Variants in SGCE observed in about 807,000 individuals in gnomAD.
SGCE encodes the protein epsilon-sarcoglycan.
Under a neutral mutation model 57.8 loss-of-function variants are expected in SGCE, and 26 were observed. The observed-to-expected ratio is 0.45, with a 90% CI of 0.33 to 0.62. The LOEUF is 0.62. Among genes scored for constraint, SGCE ranks in the 20% least tolerant of loss-of-function variants. The pLI is 0.02. For missense variants in SGCE, 468 were observed against 548.6 expected (o/e 0.85, Z 1.47); for synonymous variants, 183 against 189.5 (o/e 0.97, Z 0.28).
In SGCE at chr7:94,600,737, C is replaced by A; in HGVS notation, c.946G>T (p.Asp316Tyr). 6.2e-7 allele frequency: 1 copy of A among 1,613,824 alleles called. No individual in the cohort carries two copies. The highest frequency in any genetic ancestry group is 2.2e-5 in the East Asian group (1 of 44,852). The change falls in exon 7 of 11, where the codon GAT (aspartate) becomes TAT (tyrosine). Residue 316 changes from aspartate (D) to tyrosine (Y), a missense_variant. Asp to Tyr is a radical substitution (Grantham distance 160). Coordinates refer to ENST00000648936, the MANE Select transcript of SGCE (RefSeq NM_003919.3). ...DSLKSRDYYT[D>Y]FLITLAVPSA... is the part of the protein sequence containing the mutation. Reference sequence around the variant, plus strand: ...GGCACAGCCAGTGTAATTAGGAAATCCGTGTAATAGTCTCTGCTTTTCAAA... The same window carrying A: ...GGCACAGCCAGTGTAATTAGGAAATACGTGTAATAGTCTCTGCTTTTCAAA...
rs951428613 is a variant in SGCE at position 94,599,681 on chromosome 7, G to T, written c.1064+16C>A. On this transcript the variant is annotated intron_variant, in intron 8 of 10. Coordinates refer to ENST00000648936, the MANE Select transcript of SGCE (RefSeq NM_003919.3). ...GAAAAAATGATGAAGAAAATAACAGGAAAGAAGACACTTACTCTGGTGTTT... is the reference window on the plus strand; with the variant it reads ...GAAAAAATGATGAAGAAAATAACAGTAAAGAAGACACTTACTCTGGTGTTT... 2.5e-6 allele frequency: 4 copies of T among 1,608,264 alleles called. No individual in the cohort carries two copies. The highest frequency in any genetic ancestry group is 3.4e-6 in the Non-Finnish European group (4 of 1,175,062).
rs146040161 is a variant in SGCE at position 94,639,565 on chromosome 7, T to A, written c.110-9724A>T. 61 of 637,978 alleles carry A rather than the reference T, an allele frequency of 9.6e-5. No homozygotes were observed. The African/African-American group carries it at 1.0e-3, about 10-fold the overall frequency. The allele number at this position is 637,978 out of a possible 1,614,324, so 39.5% of individuals were successfully genotyped here. ...TCAGATTCCTTCCAGCCCAGCTAACTGTTTAATTCTAGTCAGCAAATATTT... is the reference window on the plus strand; with the variant it reads ...TCAGATTCCTTCCAGCCCAGCTAACAGTTTAATTCTAGTCAGCAAATATTT... On this transcript the variant is annotated intron_variant, in intron 1 of 10. Transcript: ENST00000648936.
chr7:94,639,420 T>A lies in SGCE; in HGVS notation c.110-9579A>T, dbSNP rs1373581290. 5.2e-6 allele frequency: 8 copies of A among 1,534,692 alleles called. No homozygotes were observed. The East Asian group carries it at 1.7e-4, about 33-fold the overall frequency. ...TGGTCTTCCAGTTAACTGTTCCATTTATGCCATCAGCACAGCTTAATAAAA... is the reference window on the plus strand; with the variant it reads ...TGGTCTTCCAGTTAACTGTTCCATTAATGCCATCAGCACAGCTTAATAAAA... On this transcript the variant is annotated intron_variant, in intron 1 of 10. Coordinates refer to ENST00000648936, the MANE Select transcript of SGCE (RefSeq NM_003919.3).
At chr7:94,635,349 G>A (rs1805454032) in intron 1 of SGCE, among the ~76,000 whole-genome samples, 2 of 152,200 alleles carry the variant, frequency 1.3e-5, no homozygotes, top group South Asian at 2.1e-4. Context: ...TTTAAGGTAT[G>A]TTGAGGATAC....
At chr7:94,588,411 C>T (rs1253602045) in intron 10 of SGCE, 23 of 1,225,314 alleles carry the variant, frequency 1.9e-5, no homozygotes, top group Non-Finnish European at 2.4e-5. Flanking sequence ...TAGGGAACTT[C>T]ACTGAAGGAA....
rs1383124871 is a variant in SGCE at position 94,599,672 on chromosome 7, AAAT to A, written c.1064+22_1064+24del. 2.5e-6 allele frequency: 4 copies of A among 1,605,988 alleles called. No individual in the cohort carries two copies. The East Asian group carries it at 8.9e-5, about 36-fold the overall frequency. On this transcript the variant is annotated intron_variant, in intron 8 of 10. Transcript: ENST00000648936. ...GAGAGGTGGGAAAAAATGATGAAGA[AAAT>A]AACAGGAAAGAAGACACTTACTCTG...
chr7:94,655,247 A>C (rs1260286873), intron 1 of SGCE, among the ~76,000 whole-genome samples: 1 of 152,200 alleles, frequency 6.6e-6, no homozygotes, highest in Non-Finnish European at 1.5e-5. Context: ...GAGCCTTCAA[A>C]GCCCGCCAAA....
intron 9 of SGCE, among the ~76,000 whole-genome samples, chr7:94,591,956 A>G (rs567759677): frequency 9.8e-5 from 15 of 152,340 alleles, no homozygotes; most frequent in Admixed American, 9.2e-4. Context: ...CACTCCTTGC[A>G]GTTTCAAAGG....
chr7:94,618,937 T>C lies in SGCE; in HGVS notation c.483A>G (p.Gln161=). The change falls in exon 5 of 11, where the codon CAA becomes CAG. Residue 161 remains glutamine, a synonymous_variant. Transcript: ENST00000648936. ...TCATATTCTTAATGAAGAATTCTGC[T>C]TGATATGGCAACGGGAAGTCTAATT... ...MSAEDFPLPY[Q]AEFFIKNMNV... 1 of 1,613,618 alleles carries C rather than the reference T, an allele frequency of 6.2e-7. No individual in the cohort carries two copies. The highest frequency in any genetic ancestry group is 8.5e-7 in the Non-Finnish European group (1 of 1,179,576).
At chr7:94,594,126 A>T (rs1014940080) in intron 9 of SGCE, among the ~76,000 whole-genome samples, 4 of 152,056 alleles carry the variant, frequency 2.6e-5, no homozygotes, top group African/African-American at 9.7e-5. Flanking sequence ...CATTTAAATA[A>T]TTAGAAAGGG....
intron 5 of SGCE, among the ~76,000 whole-genome samples, chr7:94,611,492 G>A (rs1801030194): frequency 6.6e-6 from 1 of 151,834 alleles, no homozygotes; most frequent in Non-Finnish European, 1.5e-5. Flanking sequence ...GGTAGGGGTG[G>A]GGGTGGGGGT....
chr7:94,588,188 G>A (rs1331561811), intron 10 of SGCE: 30 of 1,078,350 alleles, frequency 2.8e-5, no homozygotes, highest in Non-Finnish European at 3.4e-5. Context: ...AAGGAGAATT[G>A]TCCGCCATCT....
chr7:94,625,147 A>G (rs889857831), intron 3 of SGCE: 1 of 151,998 alleles, frequency 6.6e-6, no homozygotes, highest in Non-Finnish European at 1.5e-5. Context: ...AACAGAGCTG[A>G]TCTATTTTAG....
At chr7:94,612,273 T>C (rs1183299468) in intron 5 of SGCE, among the ~76,000 whole-genome samples, 1 of 152,152 alleles carries the variant, frequency 6.6e-6, no homozygotes, top group Non-Finnish European at 1.5e-5. Flanking sequence ...TCTTAAATTA[T>C]AAAACCAGTA....
At chr7:94,622,605 G>T (rs1003827684) in intron 4 of SGCE, 1 of 151,126 alleles carries the variant, frequency 6.6e-6, no homozygotes, top group Non-Finnish European at 1.5e-5. Flanking sequence ...CTCCAGCCTG[G>T]GTGACGAGAG....
At chr7:94,651,452 C>T (rs184997758) in intron 1 of SGCE, among the ~76,000 whole-genome samples, 1 of 152,284 alleles carries the variant, frequency 6.6e-6, no homozygotes, top group African/African-American at 2.4e-5. Flanking sequence ...GTATACACCT[C>T]GCCGGTGCTG....
chr7:94,628,008 G>C, intron 3 of SGCE, 194 bp downstream of exon 3: 1 of 522,892 alleles, frequency 1.9e-6, no homozygotes, highest in Non-Finnish European at 3.4e-6. Context: ...TATAAAAGCT[G>C]AAACAAAAAC....
intron 5 of SGCE, among the ~76,000 whole-genome samples, chr7:94,611,977 G>T (rs951345431): frequency 3.9e-5 from 6 of 152,254 alleles, no homozygotes; most frequent in African/African-American, 1.4e-4. Flanking sequence ...GATGATCAGA[G>T]GATATAAACA....
chr7:94,626,663 T>A (rs1027446031), intron 3 of SGCE: 13 of 152,020 alleles, frequency 8.6e-5, no homozygotes, highest in Non-Finnish European at 1.9e-4. Flanking sequence ...TCTTTTTAAA[T>A]CCTTAGGGAT....
Sources: allele counts gnomAD v4.1 joint callset (sites outside exome capture counted in the v4.1 genomes callset), GRCh38; gene constraint gnomAD v4.1.1; transcripts MANE v1.5; gene names NCBI Gene and HGNC (gene_info 2026-07-23, HGNC 2026-07-21).